GPRC5B: variants seen among roughly 807,000 people sequenced by gnomAD.
The protein encoded by GPRC5B is G protein-coupled receptor class C group 5 member B.
In GPRC5B, 16 loss-of-function variants were observed where a neutral mutation model predicts 30.1. The observed-to-expected ratio is 0.53, with a 90% CI of 0.36 to 0.81. The LOEUF (loss-of-function observed/expected upper bound fraction) is 0.81, where lower values mean the gene tolerates loss of function less well. GPRC5B is among the 30% of genes least tolerant of loss of function. The pLI is 0.01. For synonymous variants in GPRC5B, 241 were observed against 239.5 expected (o/e 1.01, Z -0.06); for missense variants, 428 against 544.7 (o/e 0.79, Z 2.13).
At chr16:19,874,517 C>T (rs2056746396) in intron 1 of GPRC5B, among the ~76,000 whole-genome samples, 1 of 152,220 alleles carries the variant, frequency 6.6e-6, no homozygotes, top group African/African-American at 2.4e-5. Flanking sequence ...GACATGGTCT[C>T]TCTTGTTCAC....
chr16:19,882,937 C>T (rs1379578341), intron 1 of GPRC5B, among the ~76,000 whole-genome samples: 3 of 152,162 alleles, frequency 2.0e-5, no homozygotes, highest in Admixed American at 1.3e-4. Flanking sequence ...CCAAGACCTC[C>T]CAGCGGAGGG....
chr16:19,871,868 C>A lies in GPRC5B; in HGVS notation c.978G>T (p.Leu326=). The change falls in exon 2 of 4, where the codon CTG becomes CTT. Residue 326 remains leucine (L), a synonymous_variant. Transcript: ENST00000300571. ...RETAFEEDVQ[L]PRAYMENKAF... is the part of the protein sequence containing the mutation. ...CCTTGTTCTCCATATAGGCCCGCGG[C>A]AGCTGCACGTCCTCCTCGAAGGCCG... The A allele has an allele frequency of 6.2e-7, 1 of 1,614,068 alleles. No individual in the cohort carries two copies. The highest frequency in any genetic ancestry group is 8.5e-7 in the Non-Finnish European group (1 of 1,180,052).
chr16:19,885,596 A>T, upstream of GPRC5B: 4 of 1,037,962 alleles, frequency 3.9e-6, no homozygotes, highest in Non-Finnish European at 4.6e-6. The surrounding 1 kb of genome is among the most constrained non-coding windows in gnomAD (Gnocchi z 5.3). Context: ...CGCACACATC[A>T]CCCACGTACG....
At position 19,872,374 on chromosome 16, in the gene GPRC5B, C is replaced by T. The variant is rs370548065; in HGVS notation, c.472G>A (p.Ala158Thr). ...GCCAGGCCCACCAGCTGCCAGCCCG[C>T]GGGGCCCGTGCCATGCCGCACCAGC... ...RRLVRHGTGP[A>T]GWQLVGLALC... The change falls in exon 2 of 4, where the codon GCG (alanine) becomes ACG (threonine). Residue 158 changes from alanine (A) to threonine (T), a missense_variant. Physicochemically the swap from Ala to Thr is moderately conservative, Grantham distance 58. Coordinates refer to ENST00000300571, the MANE Select transcript of GPRC5B (RefSeq NM_016235.3). This position sits in a 1 kb window ranked among gnomAD's most constrained non-coding sequence, Gnocchi z 5.0. 2.6e-5 allele frequency: 42 copies of T among 1,613,286 alleles called. No homozygotes were observed. Among genetic ancestry groups the T allele is most frequent in the African/African-American group, 2.1e-4 (16 of 74,934 alleles).
At chr16:19,871,360 T>G (rs920240591) in intron 2 of GPRC5B, among the ~76,000 whole-genome samples, 12 of 146,446 alleles carry the variant, frequency 8.2e-5, no homozygotes, top group African/African-American at 3.0e-4. Flanking sequence ...GGTGGCTCAC[T>G]CCTGTAATCC....
chr16:19,860,315 C>G lies in GPRC5B; in HGVS notation c.*185G>C. 2 of 581,738 alleles carry G rather than the reference C, an allele frequency of 3.4e-6. No individual in the cohort carries two copies. Among genetic ancestry groups the G allele is most frequent in the Non-Finnish European group, 6.1e-6 (2 of 325,656 alleles). The allele number at this position is 581,738 out of a possible 1,614,324, so 36.0% of individuals were successfully genotyped here. The stretch of plus-strand genomic sequence containing the variant: ...GTGTGGCAGGGGAGGGGCGGGCAGT[C>G]GGTGTTAGCTTTTCAGTTCGTCAGT... On this transcript the variant is annotated 3_prime_UTR_variant, in exon 4 of 4. Transcript: ENST00000300571.
In GPRC5B at chr16:19,861,968, G is replaced by A. The variant is rs140153375; in HGVS notation, c.1036C>T (p.Arg346Ter). 4 of 1,613,884 alleles carry A rather than the reference G, an allele frequency of 2.5e-6. No individual in the cohort carries two copies. The highest frequency in any genetic ancestry group is 2.2e-5 in the East Asian group (1 of 44,872). The change falls in exon 3 of 4, where the codon CGA becomes TGA. Residue 346 changes from arginine (R) to a stop codon, truncating the protein, a stop_gained. Coordinates refer to ENST00000300571, the MANE Select transcript of GPRC5B (RefSeq NM_016235.3). LOFTEE classifies it high-confidence loss of function. ...CTGCCGTTGGGAAATCCTGCTGTTC[G>A]GAGAGCTGGGGGAGGGAGGGATTGG... Reference protein sequence around the residue: ...FSMDEHNAALRTAGFPNGSLG... With the variant: ...FSMDEHNAAL
Position 19,857,504 on chromosome 16 carries a change from T to A in GPRC5B, c.*2996A>T, listed in dbSNP as rs1486167921. 32 of 416,616 alleles carry A rather than the reference T, an allele frequency of 7.7e-5. No homozygotes were observed. The Admixed American group carries it at 1.0e-3, about 13-fold the overall frequency. 25.8% of individuals were successfully genotyped at this position (416,616 alleles called of 1,614,324 possible). On this transcript the variant is annotated 3_prime_UTR_variant, in exon 4 of 4. Coordinates refer to ENST00000300571, the MANE Select transcript of GPRC5B (RefSeq NM_016235.3). ...ATAAAGGTACATTATAAAACACACATTAATGCATTTAATAAATATATATTA... is the reference window on the plus strand; with the variant it reads ...ATAAAGGTACATTATAAAACACACAATAATGCATTTAATAAATATATATTA...
At chr16:19,860,784 T>C (rs531110754) in intron 3 of GPRC5B, among the ~76,000 whole-genome samples, 3 of 152,272 alleles carry the variant, frequency 2.0e-5, no homozygotes, top group East Asian at 3.9e-4. Context: ...TCATTCACTT[T>C]CAGTCTTGAC....
chr16:19,880,332 G>A (rs2056795734), intron 1 of GPRC5B, among the ~76,000 whole-genome samples: 1 of 150,788 alleles, frequency 6.6e-6, no homozygotes, highest in East Asian at 2.0e-4. Flanking sequence ...GCTCATGCCT[G>A]TAATCCCAGC....
intron 2 of GPRC5B, among the ~76,000 whole-genome samples, chr16:19,866,139 G>T (rs541335894): frequency 7.9e-5 from 12 of 152,030 alleles, no homozygotes; most frequent in African/African-American, 2.9e-4. Context: ...ATATTGGCCA[G>T]GCTGGTCTCA....
In GPRC5B at chr16:19,860,510, T is replaced by G. The variant is rs772877895; in HGVS notation, c.1202A>C (p.His401Pro). Residue 401 changes from histidine (H) to proline (P), a missense_variant, in exon 4 of 4, where the codon CAC becomes CCC. Physicochemically the swap from His to Pro is moderately conservative, Grantham distance 77. Transcript: ENST00000300571. ...PTAPPSHTGR[H>P]LW ...GGAACTTAAAGTCTTTCACCAAAGG[T>G]GTCTTCCTGTGTGACTTGGCGGAGC... The G allele has an allele frequency of 6.9e-6, 11 of 1,592,940 alleles. No individual in the cohort carries two copies. The East Asian group carries it at 2.5e-4, about 36-fold the overall frequency.
At position 19,872,141 on chromosome 16, in the gene GPRC5B, G is replaced by T. The variant is rs369200052; in HGVS notation, c.705C>A (p.Phe235Leu). Residue 235 changes from phenylalanine to leucine, a missense_variant, in exon 2 of 4, where the codon TTC becomes TTA. Physicochemically the swap from Phe to Leu is conservative, Grantham distance 22. This residue lies in a region of GPRC5B where 213 missense variants were observed against 229.1 expected (regional missense o/e 0.93). Coordinates refer to ENST00000300571, the MANE Select transcript of GPRC5B (RefSeq NM_016235.3). The surrounding 1 kb of genome is among the most constrained non-coding windows in gnomAD (Gnocchi z 5.0). ...KFKRWKLNGA[F>L]LLITAFLSVL... is the part of the protein sequence containing the mutation. ...CAGAGAGGAAGGCTGTGATGAGGAGGAAGGCCCCGTTCAGCTTCCACCTCT... is the reference window on the plus strand; with the variant it reads ...CAGAGAGGAAGGCTGTGATGAGGAGTAAGGCCCCGTTCAGCTTCCACCTCT... The T allele has an allele frequency of 3.8e-5, 61 of 1,614,134 alleles. No individual in the cohort carries two copies. In the African/African-American group the frequency reaches 4.3e-4, roughly 11 times the overall value.
intron 1 of GPRC5B, chr16:19,874,760 A>G (rs1481660701): frequency 2.6e-5 from 4 of 152,312 alleles, no homozygotes; most frequent in Non-Finnish European, 5.9e-5. Flanking sequence ...TGTAGACTCA[A>G]GCTCGACACA....
chr16:19,876,527 T>C (rs894210404), intron 1 of GPRC5B, among the ~76,000 whole-genome samples: 2 of 152,132 alleles, frequency 1.3e-5, no homozygotes, highest in African/African-American at 4.8e-5. Context: ...TTCCATTCAC[T>C]CCCTGAGGGG....
intron 2 of GPRC5B, among the ~76,000 whole-genome samples, chr16:19,863,448 A>G (rs1286363826): frequency 6.6e-6 from 1 of 150,456 alleles, no homozygotes; most frequent in African/African-American, 2.4e-5. Flanking sequence ...ACAGCTGGTA[A>G]GGGGCACAGT....
intron 1 of GPRC5B, among the ~76,000 whole-genome samples, chr16:19,876,875 T>G (rs1488858365): frequency 6.6e-6 from 1 of 152,248 alleles, no homozygotes; most frequent in Non-Finnish European, 1.5e-5. Flanking sequence ...CTTGGAGAGC[T>G]ACCTTGCGTC....
At chr16:19,883,370 C>T (rs2056821996) in intron 1 of GPRC5B, among the ~76,000 whole-genome samples, 2 of 152,332 alleles carry the variant, frequency 1.3e-5, no homozygotes, top group South Asian at 2.1e-4. Flanking sequence ...CTGTTCACTC[C>T]ACAGTCTTAG....
chr16:19,877,996 C>T (rs867497587), intron 1 of GPRC5B, among the ~76,000 whole-genome samples: 2 of 151,908 alleles, frequency 1.3e-5, no homozygotes, highest in African/African-American at 2.4e-5. Flanking sequence ...GACAGAAGTT[C>T]GAGACCAGTC....
Sources: gnomAD v4.1 joint callset for allele counts (sites outside exome capture counted in the v4.1 genomes callset) on GRCh38, gnomAD v4.1.1 for gene constraint, gnomAD v4.1.1 regional missense constraint, Gnocchi (gnomAD v3.1) non-coding constraint, MANE v1.5 for transcripts, NCBI Gene and HGNC (gene_info 2026-07-23, HGNC 2026-07-21) for gene names.